CRTC3: variants seen among roughly 807,000 people sequenced by gnomAD.
CRTC3 encodes the protein CREB-regulated transcription coactivator 3.
In CRTC3, 26 loss-of-function variants were observed where a neutral mutation model predicts 74.5. The ratio of observed to expected loss-of-function variants is 0.35; its 90% CI spans 0.26 to 0.48. The LOEUF (loss-of-function observed/expected upper bound fraction) is 0.48, where lower values mean the gene tolerates loss of function less well. Ranked by LOEUF, CRTC3 falls within the 20% of genes least tolerant of loss-of-function variation. The probability of loss-of-function intolerance (pLI) is 0.99; values close to 1 mark genes in which losing one functional copy is unlikely to be tolerated. For missense variants in CRTC3, 760 were observed against 787.3 expected (o/e 0.97, Z 0.41); for synonymous variants, 377 against 325.8 (o/e 1.16, Z -1.69).
intron 2 of CRTC3, among the ~76,000 whole-genome samples, chr15:90,576,633 G>C (rs1013147232): frequency 2.6e-5 from 4 of 152,160 alleles, no homozygotes; most frequent in Admixed American, 2.6e-4. Context: ...AGTGTGCGAA[G>C]AAGACTGGAA....
Position 90,629,510 on chromosome 15 carries a change from T to G in CRTC3, c.1244T>G (p.Leu415Arg). The change falls in exon 11 of 15, where the codon CTG becomes CGG. Residue 415 changes from leucine (L) to arginine (R), a missense_variant. By Grantham distance (102) the Leu-to-Arg change is moderately radical (BLOSUM62 -2). Around this residue, in one of 2 missense-constraint regions of CRTC3, gnomAD observed 652 missense variants for 635.2 expected, o/e 1.03. Transcript: ENST00000268184. ...AGACAGCTGTCTTCAACCAGCCCAC[T>G]GGCCCCATATCCTACCTCCCAGGTA... ...FSRQLSSTSP[L>R]APYPTSQMVS... is the part of the protein sequence containing the mutation. 1 of 1,614,056 alleles carries G rather than the reference T, an allele frequency of 6.2e-7. No homozygotes were observed. The highest frequency in any genetic ancestry group is 1.3e-5 in the African/African-American group (1 of 75,028).
At position 90,625,842 on chromosome 15, in the gene CRTC3, G is replaced by T. The variant is rs779817916; in HGVS notation, c.816G>T (p.Gly272=). Residue 272 remains glycine, a synonymous_variant, in exon 10 of 15, where the codon GGG becomes GGT. Coordinates refer to ENST00000268184, the MANE Select transcript of CRTC3 (RefSeq NM_022769.5). ...SPFLGTLNTG[G]SLPDLTNLHY... ...TCTTGGGGACCTTGAACACTGGAGGGTCATTGCCAGATCTAACCAACCTCC... is the reference window on the plus strand; with the variant it reads ...TCTTGGGGACCTTGAACACTGGAGGTTCATTGCCAGATCTAACCAACCTCC... The T allele has an allele frequency of 6.2e-6, 10 of 1,614,050 alleles. No individual in the cohort carries two copies. The African/African-American group carries it at 8.0e-5, about 13-fold the overall frequency.
At chr15:90,640,815 C>G (rs542445250) in intron 13 of CRTC3, among the ~76,000 whole-genome samples, 2 of 152,254 alleles carry the variant, frequency 1.3e-5, no homozygotes, top group African/African-American at 4.8e-5. Flanking sequence ...TGAGGGGCCA[C>G]AGAAACCATG....
chr15:90,616,516 A>G (rs1968498588), intron 7 of CRTC3, among the ~76,000 whole-genome samples: 1 of 152,130 alleles, frequency 6.6e-6, no homozygotes, highest in Non-Finnish European at 1.5e-5. Context: ...GTACCCGGCC[A>G]TCTTGTGTGG....
At chr15:90,634,860 G>A (rs944760051) in intron 11 of CRTC3, 2 of 1,546,856 alleles carry the variant, frequency 1.3e-6, no homozygotes, top group Non-Finnish European at 1.8e-6. Context: ...GCAAGCAACA[G>A]TAGTCACTGT....
At chr15:90,548,035 G>A (rs1407576149) in intron 2 of CRTC3, among the ~76,000 whole-genome samples, 4 of 151,732 alleles carry the variant, frequency 2.6e-5, no homozygotes, top group Non-Finnish European at 4.4e-5. Context: ...GAGTACAGGC[G>A]TAAGCCACCA....
intron 6 of CRTC3, among the ~76,000 whole-genome samples, chr15:90,613,385 T>C (rs186185676): frequency 6.6e-6 from 1 of 152,252 alleles, no homozygotes; most frequent in African/African-American, 2.4e-5. Context: ...TGTCTTTGTG[T>C]GTCTGCTTCA....
rs1337797083 is a variant in CRTC3, at chr15:90,641,094, C to T, written c.1549-3C>T. 1.2e-6 allele frequency: 2 copies of T among 1,608,144 alleles called. No individual in the cohort carries two copies. The highest frequency in any genetic ancestry group is 2.7e-5 in the African/African-American group (2 of 74,780). On this transcript the variant is annotated splice_region_variant and splice_polypyrimidine_tract_variant and intron_variant, in intron 13 of 14. Transcript: ENST00000268184. Reference sequence around the variant, plus strand: ...TTCCTCACATGACCTTCGATGCTTCCAGGTGCCTCTGGTGCAACAAGGTTC... The same window carrying T: ...TTCCTCACATGACCTTCGATGCTTCTAGGTGCCTCTGGTGCAACAAGGTTC...
intron 5 of CRTC3, among the ~76,000 whole-genome samples, chr15:90,605,243 C>T (rs574668637): frequency 3.7e-4 from 56 of 152,222 alleles, no homozygotes; most frequent in Middle Eastern, 6.8e-3. Context: ...AAGAGAGAGA[C>T]GCTGTCTCAA....
At chr15:90,549,167 A>G (rs1243276810) in intron 2 of CRTC3, among the ~76,000 whole-genome samples, 2 of 152,040 alleles carry the variant, frequency 1.3e-5, no homozygotes, top group South Asian at 2.1e-4. Context: ...TTTTCCTTCT[A>G]TGTGTTCAAT....
At chr15:90,567,718 A>ATAAATAAATAAATAAATAAG (rs79907400) in intron 2 of CRTC3, among the ~76,000 whole-genome samples, 2 of 151,866 alleles carry the variant, frequency 1.3e-5, no homozygotes, top group Non-Finnish European at 2.9e-5. Context: ...AAATAAATAA[A>ATAAATAAATAAATAAATAAG]ATATCACTCC....
chr15:90,590,898 G>A (rs1007275891), intron 2 of CRTC3, among the ~76,000 whole-genome samples: 1 of 152,174 alleles, frequency 6.6e-6, no homozygotes, highest in African/African-American at 2.4e-5. Flanking sequence ...CAGGATTTGG[G>A]CCAGCAGCAG....
intron 2 of CRTC3, among the ~76,000 whole-genome samples, chr15:90,548,590 A>G (rs1434942992): frequency 6.6e-6 from 1 of 152,228 alleles, no homozygotes; most frequent in African/African-American, 2.4e-5. Flanking sequence ...AGGAAAAAAA[A>G]AGATTGGCAA....
chr15:90,638,527 G>C lies in CRTC3; in HGVS notation c.1348G>C (p.Ala450Pro), dbSNP rs1969321275. ...AQVSPPPPYP[A>P]PQELTQPLLQ... is the part of the protein sequence containing the mutation. ...GGTGTCGCCGCCACCCCCTTACCCT[G>C]CACCCCAGGAGCTCACCCAGCCCCT... is the stretch of plus-strand genomic sequence containing the variant. The change falls in exon 12 of 15, where the codon GCA becomes CCA. Residue 450 changes from alanine to proline, a missense_variant. This residue lies in a region of CRTC3 where 652 missense variants were observed against 635.2 expected (regional missense o/e 1.03). Transcript: ENST00000268184. 1 of 1,613,496 alleles carries C rather than the reference G, an allele frequency of 6.2e-7. No homozygotes were observed. The highest frequency in any genetic ancestry group is 1.1e-5 in the South Asian group (1 of 91,086).
chr15:90,628,313 A>AT (rs1187180489), intron 10 of CRTC3, among the ~76,000 whole-genome samples: 1 of 152,086 alleles, frequency 6.6e-6, no homozygotes, highest in African/African-American at 2.4e-5. Flanking sequence ...AAACACTTAA[A>AT]TTTTTTGTCA....
chr15:90,601,567 T>A (rs1049365983), intron 3 of CRTC3, among the ~76,000 whole-genome samples: 4 of 151,934 alleles, frequency 2.6e-5, no homozygotes, highest in Non-Finnish European at 5.9e-5. Flanking sequence ...GCAGGAGAAT[T>A]GCTTGAACCT....
In CRTC3 at chr15:90,565,857, G is replaced by A. The variant is rs79270941; in HGVS notation, c.231+25720G>A. Among the ~76,000 whole-genome samples, 1,375 of 152,142 alleles carry A rather than the reference G, an allele frequency of 9.0e-3. 47 individuals carry two copies. In the East Asian group the frequency reaches 0.12, roughly 13 times the overall value. On this transcript the variant is annotated intron_variant, in intron 2 of 14. Transcript: ENST00000268184. ...TTCCTGTGTCTCTCCCCCTCCTTGG[G>A]CCTCCCTCTTCCCTGAGATAACAAT...
chr15:90,578,840 T>C (rs924384349), intron 2 of CRTC3, among the ~76,000 whole-genome samples: 5 of 152,194 alleles, frequency 3.3e-5, no homozygotes, highest in African/African-American at 1.2e-4. Context: ...TGATGTAAAC[T>C]GTTTAGTTAT....
intron 11 of CRTC3, among the ~76,000 whole-genome samples, chr15:90,636,776 T>G (rs1183502639): frequency 1.3e-5 from 2 of 152,174 alleles, no homozygotes; most frequent in Non-Finnish European, 2.9e-5. Context: ...AAGAAGACAT[T>G]TATGCAGCTA....
Sources: gnomAD v4.1 joint callset for allele counts (sites outside exome capture counted in the v4.1 genomes callset) on GRCh38, gnomAD v4.1.1 for gene constraint, gnomAD v4.1.1 regional missense constraint, MANE v1.5 for transcripts, NCBI Gene and HGNC (gene_info 2026-07-23, HGNC 2026-07-21) for gene names.